SDCCAG8: variants seen among roughly 807,000 people sequenced by gnomAD.
SDCCAG8 encodes the protein serologically defined colon cancer antigen 8.
A neutral mutation model predicts 101.8 loss-of-function variants in SDCCAG8; 74 were observed. The observed-to-expected ratio is 0.73, with a 90% CI of 0.60 to 0.88. The LOEUF (loss-of-function observed/expected upper bound fraction) is 0.88. Among genes scored for constraint, SDCCAG8 ranks in the 40% least tolerant of loss-of-function variants. The pLI, the probability that SDCCAG8 is intolerant of heterozygous loss-of-function variation, is 0.00. For missense variants in SDCCAG8, 787 were observed against 822.6 expected (o/e 0.96, Z 0.53); for synonymous variants, 281 against 292.9 (o/e 0.96, Z 0.41).
At chr1:243,266,053 T>G (rs1335943459) in intron 1 of SDCCAG8, among the ~76,000 whole-genome samples, 1 of 152,174 alleles carries the variant, frequency 6.6e-6, no homozygotes, top group Non-Finnish European at 1.5e-5. Context: ...TATTGTAAAT[T>G]GACAATTTAT....
At chr1:243,493,017 C>G (rs999530494) in intron 17 of SDCCAG8, among the ~76,000 whole-genome samples, 2 of 152,156 alleles carry the variant, frequency 1.3e-5, no homozygotes, top group Admixed American at 1.3e-4. Context: ...CATGAAATGG[C>G]TCTTACTTGT....
At position 243,363,156 on chromosome 1, in the gene SDCCAG8, C is replaced by T. The variant is rs543037647; in HGVS notation, c.1474-15565C>T. Among the ~76,000 whole-genome samples, 2 of 152,192 alleles carry T rather than the reference C, an allele frequency of 1.3e-5. 1 individual carries two copies. The highest frequency in any genetic ancestry group is 2.9e-5 in the Non-Finnish European group (2 of 68,048). On this transcript the variant is annotated intron_variant, in intron 12 of 17. Coordinates refer to ENST00000366541, the MANE Select transcript of SDCCAG8 (RefSeq NM_006642.5). Reference sequence around the variant, plus strand: ...AGAGCATCACAGAGCCTATGACCTGCAGCTTCCTTGTAATTTGATATTTGC... The same window carrying T: ...AGAGCATCACAGAGCCTATGACCTGTAGCTTCCTTGTAATTTGATATTTGC...
At position 243,340,575 on chromosome 1, in the gene SDCCAG8, C is replaced by T. The variant is rs190029932; in HGVS notation, c.1222-464C>T. 2.8e-3 allele frequency among the ~76,000 whole-genome samples: 427 copies of T among 152,160 alleles called. 2 individuals are homozygous for T. Among genetic ancestry groups the T allele is most frequent in the African/African-American group, 9.5e-3 (395 of 41,500 alleles). The stretch of plus-strand genomic sequence containing the variant: ...ACAGAGCCTCTTCTTTGTTGGTTTG[C>T]GGGAAGGGTAGTGGGAGCCATAGCA... On this transcript the variant is annotated intron_variant, in intron 10 of 17. Coordinates refer to ENST00000366541, the MANE Select transcript of SDCCAG8 (RefSeq NM_006642.5).
At chr1:243,267,329 G>A in intron 1 of SDCCAG8, 1 of 239,804 alleles carries the variant, frequency 4.2e-6, no homozygotes, top group South Asian at 4.9e-5. Context: ...GGGCGTGGTG[G>A]CTTACGCCTG....
chr1:243,378,896 C>A, intron 13 of SDCCAG8, 33 bp downstream of exon 13: 2 of 1,613,656 alleles, frequency 1.2e-6, no homozygotes, highest in Non-Finnish European at 1.7e-6. Context: ...GCCATAGCAC[C>A]GATTTCATTC....
At chr1:243,364,110 AT>A (rs996885326) in intron 12 of SDCCAG8, among the ~76,000 whole-genome samples, 19 of 151,606 alleles carry the variant, frequency 1.3e-4, no homozygotes, top group Middle Eastern at 3.4e-3. Context: ...GTACAGAAGG[AT>A]TTTTTTTTCA....
chr1:243,400,632 T>A (rs2079323115), intron 13 of SDCCAG8, among the ~76,000 whole-genome samples: 1 of 152,228 alleles, frequency 6.6e-6, no homozygotes, highest in South Asian at 2.1e-4. Context: ...TATCTTACTG[T>A]CCCAACTTTG....
intron 12 of SDCCAG8, among the ~76,000 whole-genome samples, chr1:243,375,779 T>C (rs1221784577): frequency 8.5e-5 from 13 of 152,100 alleles, no homozygotes; most frequent in Admixed American, 7.9e-4. Flanking sequence ...CTGACCTAGT[T>C]GGGTGAGGCA....
intron 12 of SDCCAG8, among the ~76,000 whole-genome samples, chr1:243,361,086 A>G (rs1181144196): frequency 2.0e-5 from 3 of 152,080 alleles, no homozygotes; most frequent in African/African-American, 7.2e-5. Flanking sequence ...TTTTCAACAT[A>G]TTGCCATAAT....
intron 15 of SDCCAG8, among the ~76,000 whole-genome samples, chr1:243,421,124 G>T (rs2080966810): frequency 6.6e-6 from 1 of 152,094 alleles, no homozygotes; most frequent in Non-Finnish European, 1.5e-5. Context: ...TTTCCTCAGA[G>T]TATTACAGTA....
intron 9 of SDCCAG8, among the ~76,000 whole-genome samples, chr1:243,320,363 A>G (rs1343735545): frequency 6.6e-6 from 1 of 152,168 alleles, no homozygotes; most frequent in Non-Finnish European, 1.5e-5. Context: ...ACATTTGATC[A>G]TGTGACTCTG....
chr1:243,382,810 G>A (rs1282649895), intron 13 of SDCCAG8, among the ~76,000 whole-genome samples: 2 of 152,228 alleles, frequency 1.3e-5, no homozygotes, highest in Non-Finnish European at 2.9e-5. Context: ...GTCCCGTGAA[G>A]TGGAAAGGAA....
intron 16 of SDCCAG8, among the ~76,000 whole-genome samples, chr1:243,461,458 G>T (rs553969134): frequency 6.6e-6 from 1 of 152,126 alleles, no homozygotes; most frequent in African/African-American, 2.4e-5. Flanking sequence ...CTTTAATTCC[G>T]CAGCATGGTT....
intron 1 of SDCCAG8, among the ~76,000 whole-genome samples, chr1:243,263,089 G>A (rs1050565120): frequency 2.6e-5 from 4 of 152,236 alleles, no homozygotes; most frequent in Admixed American, 6.5e-5. Context: ...TCACTGTCAC[G>A]CTCATTTTCC....
chr1:243,495,732 G>T (rs909817031), intron 17 of SDCCAG8, among the ~76,000 whole-genome samples: 2 of 152,184 alleles, frequency 1.3e-5, no homozygotes, highest in South Asian at 2.1e-4. Flanking sequence ...GCGTTTCCCC[G>T]ACGTTCTGCC....
chr1:243,280,447 T>G lies in SDCCAG8; in HGVS notation c.420+5791T>G, dbSNP rs531432920. On this transcript the variant is annotated intron_variant, in intron 4 of 17. Coordinates refer to ENST00000366541, the MANE Select transcript of SDCCAG8 (RefSeq NM_006642.5). Reference sequence around the variant, plus strand: ...TTTTTAATTTCATTGATTTTTACTCTAATTTTTATTATATGTTCTTTTCTG... The same window carrying G: ...TTTTTAATTTCATTGATTTTTACTCGAATTTTTATTATATGTTCTTTTCTG... Among the ~76,000 whole-genome samples the G allele has an allele frequency of 1.1e-4, 16 of 152,296 alleles. 1 individual carries two copies. The South Asian group carries it at 2.5e-3, about 24-fold the overall frequency.
At chr1:243,499,250 G>GAAAGT (rs1668889875) in intron 17 of SDCCAG8, among the ~76,000 whole-genome samples, 1 of 152,226 alleles carries the variant, frequency 6.6e-6, no homozygotes, top group South Asian at 2.1e-4. Context: ...GTTTCCATGT[G>GAAAGT]AAAGTACTTT....
chr1:243,293,340 C>A, intron 6 of SDCCAG8, 121 bp downstream of exon 6: 1 of 999,704 alleles, frequency 1.0e-6, no homozygotes, highest in Non-Finnish European at 1.5e-6. Flanking sequence ...TTTAAGCGTA[C>A]AGTTTATCTG....
At chr1:243,350,307 C>A (rs941374310) in intron 12 of SDCCAG8, among the ~76,000 whole-genome samples, 1 of 151,966 alleles carries the variant, frequency 6.6e-6, no homozygotes, top group Non-Finnish European at 1.5e-5. Flanking sequence ...CTCCCAGGTT[C>A]TAGCAATTCT....
Sources: allele counts gnomAD v4.1 joint callset (sites outside exome capture counted in the v4.1 genomes callset), GRCh38; gene constraint gnomAD v4.1.1; transcripts MANE v1.5; gene names NCBI Gene and HGNC (gene_info 2026-07-23, HGNC 2026-07-21).